Variants in SAMHD1 observed in about 807,000 individuals in gnomAD.
SAMHD1 encodes the protein deoxynucleoside triphosphate triphosphohydrolase SAMHD1.
SAMHD1 carries 54 observed loss-of-function variants against 79.6 expected under a neutral mutation model. The observed-to-expected ratio is 0.68, with a 90% CI of 0.55 to 0.85. SAMHD1 has a LOEUF of 0.85. Ranked by LOEUF, SAMHD1 falls within the 40% of genes least tolerant of loss-of-function variation. The pLI, the probability that SAMHD1 is intolerant of heterozygous loss-of-function variation, is 0.00. For missense variants in SAMHD1, 663 were observed against 782.7 expected (o/e 0.85, Z 1.82); for synonymous variants, 260 against 264.1 (o/e 0.98, Z 0.15).
intron 3 of SAMHD1, among the ~76,000 whole-genome samples, chr20:36,939,253 CAAAAAAAAAAAAAA>C (rs57018620): frequency 1.4e-4 from 5 of 36,640 alleles, no homozygotes; most frequent in South Asian, 1.7e-3. Context: ...GACTCCCTCT[CAAAAAAAAAAAAAA>C]AAAAAAAAAA....
At chr20:36,938,846 AAAAAC>A (rs900105311) in intron 3 of SAMHD1, among the ~76,000 whole-genome samples, 2 of 151,888 alleles carry the variant, frequency 1.3e-5, no homozygotes, top group Non-Finnish European at 2.9e-5. Flanking sequence ...ACTCCATCTC[AAAAAC>A]AAAACAAAAC....
intron 11 of SAMHD1, among the ~76,000 whole-genome samples, chr20:36,908,454 TCTCAAACTCCTGGG>T (rs1339236486): frequency 6.6e-6 from 1 of 152,028 alleles, no homozygotes; most frequent in African/African-American, 2.4e-5. Context: ...CCCAGGCTGG[TCTCAAACTCCTGGG>T]CTCAAGCGAT....
intron 3 of SAMHD1, among the ~76,000 whole-genome samples, chr20:36,938,709 G>A (rs1197584788): frequency 4.0e-5 from 6 of 151,582 alleles, no homozygotes; most frequent in East Asian, 2.0e-4. Context: ...GGTGGCATGC[G>A]CCTGTAGTCC....
intron 6 of SAMHD1, among the ~76,000 whole-genome samples, chr20:36,919,802 T>C (rs1254413698): frequency 2.0e-5 from 3 of 152,224 alleles, no homozygotes; most frequent in Non-Finnish European, 4.4e-5. Flanking sequence ...TAAGATCATG[T>C]AGACAGAATT....
intron 9 of SAMHD1, among the ~76,000 whole-genome samples, chr20:36,914,053 C>G (rs1235791952): frequency 6.6e-6 from 1 of 151,046 alleles, no homozygotes; most frequent in Non-Finnish European, 1.5e-5. Context: ...CACGCCTAGC[C>G]CTTCTTGACT....
rs1175664415 is a variant in SAMHD1, at chr20:36,892,588, T to G, written c.*344A>C. On this transcript the variant is annotated 3_prime_UTR_variant, in exon 16 of 16. Transcript: ENST00000646673. Reference sequence around the variant, plus strand: ...GGAGGGTCGCTTGAGCCCAGGAAAGTTCGAGTCCAAGCTGGGCAACAGAGC... The same window carrying G: ...GGAGGGTCGCTTGAGCCCAGGAAAGGTCGAGTCCAAGCTGGGCAACAGAGC... 1 of 320,462 alleles carries G rather than the reference T, an allele frequency of 3.1e-6. No homozygotes were observed. Among genetic ancestry groups the G allele is most frequent in the Non-Finnish European group, 6.0e-6 (1 of 167,966 alleles). The allele number at this position is 320,462 out of a possible 1,614,324, so 19.9% of individuals were successfully genotyped here.
chr20:36,945,376 T>C lies in SAMHD1; in HGVS notation c.275+1362A>G, dbSNP rs988206657. On this transcript the variant is annotated intron_variant, in intron 2 of 15. Transcript: ENST00000646673. ...TAAAAAGTGCCTGTTTTGCATAGTG[T>C]CTTTAAATCTAATACCAGGGCATAT... Among the ~76,000 whole-genome samples, 20 of 152,316 alleles carry C rather than the reference T, an allele frequency of 1.3e-4. No homozygotes were observed. The South Asian group carries it at 1.7e-3, about 13-fold the overall frequency.
chr20:36,936,598 G>A (rs1412482811), intron 3 of SAMHD1, among the ~76,000 whole-genome samples: 1 of 152,014 alleles, frequency 6.6e-6, no homozygotes, highest in Non-Finnish European at 1.5e-5. Flanking sequence ...GAGCCACCGC[G>A]CCTGGCTAAA....
chr20:36,944,631 G>A (rs868036632), intron 2 of SAMHD1, among the ~76,000 whole-genome samples: 75 of 152,100 alleles, frequency 4.9e-4, no homozygotes, highest in Admixed American at 1.6e-3. Flanking sequence ...GCAGTGGCTC[G>A]CGCCTATAAT....
At position 36,935,205 on chromosome 20, in the gene SAMHD1, T is replaced by A; in HGVS notation, c.349-16A>T. 1.9e-6 allele frequency: 3 copies of A among 1,602,520 alleles called. No individual in the cohort carries two copies. The highest frequency in any genetic ancestry group is 2.6e-6 in the Non-Finnish European group (3 of 1,169,566). On this transcript the variant is annotated splice_polypyrimidine_tract_variant and intron_variant, in intron 3 of 15. Transcript: ENST00000646673. Reference sequence around the variant, plus strand: ...CATTAATTACCTAGAAAATTATGTTTAATTAATACAAATAACGACATGTAA... The same window carrying A: ...CATTAATTACCTAGAAAATTATGTTAAATTAATACAAATAACGACATGTAA...
rs138569570 is a variant in SAMHD1, at chr20:36,918,748, G to A, written c.852+616C>T. On this transcript the variant is annotated intron_variant, in intron 7 of 15. Coordinates refer to ENST00000646673, the MANE Select transcript of SAMHD1 (RefSeq NM_015474.4). ...GCCTGGGAGACAGAGGTTGCACTGC[G>A]CTGAGATCATGCCACTGTACTCCAG... Among the ~76,000 whole-genome samples the A allele has an allele frequency of 4.3e-3, 616 of 143,780 alleles. 9 individuals are homozygous for A. The highest frequency in any genetic ancestry group is 0.02 in the Admixed American group (271 of 13,584). 94.3% of individuals were successfully genotyped at this position (143,780 alleles called of 152,430 possible). A position where few individuals can be genotyped will look rare whatever the true frequency, so the allele number is the denominator to read the frequency against.
chr20:36,917,461 G>T (rs1488951743), intron 7 of SAMHD1, among the ~76,000 whole-genome samples: 1 of 152,074 alleles, frequency 6.6e-6, no homozygotes, highest in East Asian at 1.9e-4. Flanking sequence ...AAACCAGCTT[G>T]GCCAAGATGG....
chr20:36,921,160 G>A (rs149663851), intron 6 of SAMHD1, among the ~76,000 whole-genome samples: 24 of 151,972 alleles, frequency 1.6e-4, no homozygotes, highest in East Asian at 3.9e-4. Flanking sequence ...TTTAGGAGGC[G>A]GAGGCAGGCA....
intron 13 of SAMHD1, among the ~76,000 whole-genome samples, chr20:36,900,049 G>A (rs1022293348): frequency 3.3e-5 from 5 of 149,752 alleles, no homozygotes; most frequent in Non-Finnish European, 5.9e-5. Flanking sequence ...AGCCGAGATC[G>A]TGCCACCGTA....
chr20:36,941,089 G>A lies in SAMHD1; in HGVS notation c.298C>T (p.Leu100=). The A allele has an allele frequency of 6.2e-7, 1 of 1,613,086 alleles. No individual in the cohort carries two copies. Among genetic ancestry groups the A allele is most frequent in the Non-Finnish European group, 8.5e-7 (1 of 1,179,308 alleles). The change falls in exon 3 of 16, where the codon CTG becomes TTG. Residue 100 remains leucine, a synonymous_variant. Coordinates refer to ENST00000646673, the MANE Select transcript of SAMHD1 (RefSeq NM_015474.4). ...GVSSLGERKK[L]LSYIQRLVQI... ...ACCAATCGCTGGATATAACTAAGCA[G>A]CTTCTTCCTCTCCCCCAAGGAACTA...
chr20:36,949,069 A>C (rs546354907), intron 1 of SAMHD1, among the ~76,000 whole-genome samples: 1 of 151,248 alleles, frequency 6.6e-6, no homozygotes, highest in East Asian at 2.0e-4. Flanking sequence ...GTTGGAGACC[A>C]GCCTGGCCAA....
chr20:36,902,743 C>CT (rs914430765), intron 13 of SAMHD1, among the ~76,000 whole-genome samples: 52 of 145,276 alleles, frequency 3.6e-4, no homozygotes, highest in South Asian at 1.5e-3. Flanking sequence ...ATCTAAGATA[C>CT]TTTTTTTTTT....
intron 6 of SAMHD1, among the ~76,000 whole-genome samples, chr20:36,921,508 A>G (rs2063504818): frequency 6.6e-6 from 1 of 152,048 alleles, no homozygotes; most frequent in Admixed American, 6.6e-5. Flanking sequence ...AGTAAGCAGA[A>G]TTAATATCAT....
At chr20:36,915,141 T>A (rs547688378) in intron 9 of SAMHD1, among the ~76,000 whole-genome samples, 1 of 151,952 alleles carries the variant, frequency 6.6e-6, no homozygotes, top group South Asian at 2.1e-4. Flanking sequence ...CCCAGGAGTT[T>A]GAGACCAGCC....
Sources: gnomAD v4.1 joint callset for allele counts (sites outside exome capture counted in the v4.1 genomes callset) on GRCh38, gnomAD v4.1.1 for gene constraint, MANE v1.5 for transcripts, NCBI Gene and HGNC (gene_info 2026-07-23, HGNC 2026-07-21) for gene names.